Variants in MYO19 observed in about 807,000 individuals in gnomAD.
MYO19 encodes unconventional myosin-XIX.
MYO19 carries 132 observed loss-of-function variants against 129.2 expected under a neutral mutation model. The observed-to-expected ratio is 1.02, with a 90% CI of 0.89 to 1.18. MYO19 has a LOEUF of 1.18. Among genes scored for constraint, MYO19 ranks in the 50% most tolerant of loss-of-function variants. The probability of loss-of-function intolerance (pLI) is 0.00; values close to 1 mark genes in which losing one functional copy is unlikely to be tolerated. For missense variants in MYO19, 1,210 were observed against 1,216.7 expected (o/e 0.99, Z 0.08); for synonymous variants, 531 against 477.2 (o/e 1.11, Z -1.47).
At position 36,534,087 on chromosome 17, in the gene MYO19, C is replaced by T. The variant is rs2073981197; in HGVS notation, c.-278G>A. On this transcript the variant is annotated 5_prime_UTR_variant, in exon 2 of 26. Transcript: ENST00000614623. ...TTTCGCGGTTACCAGCCAAGAATTT[C>T]TGGAAAGGGTGTGAACACTGTGGGC... is the stretch of plus-strand genomic sequence containing the variant. 1 of 152,254 alleles carries T rather than the reference C, an allele frequency of 6.6e-6. No individual in the cohort carries two copies. Among genetic ancestry groups the T allele is most frequent in the Non-Finnish European group, 1.5e-5 (1 of 68,070 alleles). 9.4% of individuals were successfully genotyped at this position (152,254 alleles called of 1,614,324 possible). A position where few individuals can be genotyped will look rare whatever the true frequency, so the allele number is the denominator to read the frequency against.
chr17:36,511,123 C>G (rs2072293723), intron 12 of MYO19: 1 of 672,866 alleles, frequency 1.5e-6, no homozygotes, highest in Non-Finnish European at 2.5e-6. Flanking sequence ...GTCCATGCTG[C>G]CATGTATGGG....
Position 36,506,790 on chromosome 17 carries a change from G to A in MYO19, c.1644+173C>T, listed in dbSNP as rs975806479. 1.8e-5 allele frequency: 19 copies of A among 1,075,582 alleles called. No homozygotes were observed. In the African/African-American group the frequency reaches 2.2e-4, roughly 13 times the overall value. 66.6% of individuals were successfully genotyped at this position (1,075,582 alleles called of 1,614,324 possible). On this transcript the variant is annotated intron_variant, in intron 17 of 25. Transcript: ENST00000614623. ...GTCTAACATGGGTTATCTCCAGGCA[G>A]GTCATGCTTGATTAGTGGAGACCTC...
intron 25 of MYO19, among the ~76,000 whole-genome samples, chr17:36,497,420 CATG>C (rs1434545997): frequency 6.6e-6 from 1 of 151,688 alleles, no homozygotes; most frequent in Admixed American, 6.6e-5. Context: ...TTGGGGAAAA[CATG>C]GTGCCAAATC....
At position 36,514,456 on chromosome 17, in the gene MYO19, A is replaced by T; in HGVS notation, c.710T>A (p.Ile237Asn). 1 of 1,610,904 alleles carries T rather than the reference A, an allele frequency of 6.2e-7. No individual in the cohort carries two copies. Among genetic ancestry groups the T allele is most frequent in the Non-Finnish European group, 8.5e-7 (1 of 1,177,130 alleles). ...CCATTTGGCACAAACCTGATAGAAGATGTGGAAGTTCCTCTCACTGGAAGC... is the reference window on the plus strand; with the variant it reads ...CCATTTGGCACAAACCTGATAGAAGTTGTGGAAGTTCCTCTCACTGGAAGC... ...CQASSERNFH[I>N]FYQICKGASE... Residue 237 changes from isoleucine to asparagine, a missense_variant, in exon 9 of 26, where the codon ATC becomes AAC. Physicochemically the swap from Ile to Asn is moderately radical, Grantham distance 149 (BLOSUM62 -3). Transcript: ENST00000614623.
At chr17:36,528,510 CAAA>C (rs948278898) in intron 3 of MYO19, among the ~76,000 whole-genome samples, 3 of 106,552 alleles carry the variant, frequency 2.8e-5, no homozygotes, top group Admixed American at 1.0e-4. Flanking sequence ...GACTCTGTCT[CAAA>C]AAAAAAAAAA....
chr17:36,534,168 G>C (rs560786510), intron 1 of MYO19, 64 bp from the exon 2 acceptor site: 3 of 152,554 alleles, frequency 2.0e-5, no homozygotes, highest in African/African-American at 7.2e-5. Flanking sequence ...GTGGCAACCT[G>C]ATCACCAGTC....
At chr17:36,515,756 C>A in intron 7 of MYO19, 102 bp downstream of exon 7, 1 of 1,334,508 alleles carries the variant, frequency 7.5e-7, no homozygotes, top group Middle Eastern at 2.2e-4. Flanking sequence ...ATCCTCCACC[C>A]CCACCCAAGA....
chr17:36,544,042 C>T (rs779143237), upstream of MYO19, among the ~76,000 whole-genome samples: 7 of 152,244 alleles, frequency 4.6e-5, no homozygotes, highest in Middle Eastern at 3.2e-3. Context: ...ACCTCCAAAA[C>T]CTTCAAGGTC....
chr17:36,532,606 A>T lies in MYO19; in HGVS notation c.-68T>A, dbSNP rs2073894094. ...TACAAGGAGTACTATCCACCTAGTCATGGGACCATGGGCTGGGGTATGGTT... is the reference window on the plus strand; with the variant it reads ...TACAAGGAGTACTATCCACCTAGTCTTGGGACCATGGGCTGGGGTATGGTT... On this transcript the variant is annotated 5_prime_UTR_variant, in exon 3 of 26. It removes an upstream start codon present in the reference 5' UTR. Coordinates refer to ENST00000614623, the MANE Select transcript of MYO19 (RefSeq NM_001163735.2). 1 of 1,533,016 alleles carries T rather than the reference A, an allele frequency of 6.5e-7. No individual in the cohort carries two copies. The highest frequency in any genetic ancestry group is 2.0e-5 in the Admixed American group (1 of 50,988). The allele number at this position is 1,533,016 out of a possible 1,614,324, so 95.0% of individuals were successfully genotyped here.
chr17:36,514,542 C>T lies in MYO19; in HGVS notation c.624G>A (p.Gln208=). The change falls in exon 9 of 26, where the codon CAG becomes CAA. Residue 208 remains glutamine, a synonymous_variant. Coordinates refer to ENST00000614623, the MANE Select transcript of MYO19 (RefSeq NM_001163735.2). ...TCTGGACTGCGGCTCCAGTCATTTGCTGAGCCCTGGGACACACACAGGCCA... is the reference window on the plus strand; with the variant it reads ...TCTGGACTGCGGCTCCAGTCATTTGTTGAGCCCTGGGACACACACAGGCCA... ...KFIQLQLNRA[Q]QMTGAAVQTY... is the part of the protein sequence containing the mutation. The T allele has an allele frequency of 1.2e-6, 2 of 1,609,124 alleles. No homozygotes were observed. Among genetic ancestry groups the T allele is most frequent in the Non-Finnish European group, 1.7e-6 (2 of 1,175,488 alleles).
upstream of MYO19, among the ~76,000 whole-genome samples, chr17:36,539,767 C>G (rs560783543): frequency 1.4e-4 from 22 of 152,234 alleles, no homozygotes; most frequent in African/African-American, 5.1e-4. Context: ...AGCTTGCAAT[C>G]TAGTGGAGGA....
chr17:36,513,334 C>G lies in MYO19; in HGVS notation c.894+95G>C, dbSNP rs761146690. On this transcript the variant is annotated intron_variant, in intron 11 of 25. Transcript: ENST00000614623. ...AGAAGGGCCCAAAGTCCTAGATCCT[C>G]AGGGAAAGACCAACTCCAAGTCCAG... is the stretch of plus-strand genomic sequence containing the variant. 3 of 1,606,686 alleles carry G rather than the reference C, an allele frequency of 1.9e-6. No homozygotes were observed. In the African/African-American group the frequency reaches 4.0e-5, roughly 21 times the overall value.
intron 5 of MYO19, among the ~76,000 whole-genome samples, chr17:36,526,268 T>C (rs1406548189): frequency 6.6e-6 from 1 of 152,162 alleles, no homozygotes; most frequent in Non-Finnish European, 1.5e-5. Context: ...TCTACCTGGA[T>C]GAAGATGCTC....
intron 6 of MYO19, among the ~76,000 whole-genome samples, chr17:36,519,427 T>G (rs1246007484): frequency 6.6e-6 from 1 of 152,224 alleles, no homozygotes; most frequent in Non-Finnish European, 1.5e-5. Context: ...CCATTTAGTT[T>G]GAACTTATCC....
At chr17:36,498,716 T>G (rs1599195572) in intron 24 of MYO19, 157 bp from the exon 25 acceptor site, 7 of 773,448 alleles carry the variant, frequency 9.1e-6, no homozygotes, top group East Asian at 5.4e-5. Flanking sequence ...TGGTTCCATA[T>G]GCCACAAGTC....
intron 20 of MYO19, among the ~76,000 whole-genome samples, 183 bp downstream of exon 20, chr17:36,503,767 G>A (rs1451588121): frequency 1.3e-5 from 2 of 152,222 alleles, no homozygotes; most frequent in Non-Finnish European, 2.9e-5. Flanking sequence ...ACAAAATAGT[G>A]CACAATAAGT....
At chr17:36,528,003 T>A (rs568119101) in intron 4 of MYO19, 61 bp downstream of exon 4, 1 of 1,578,236 alleles carries the variant, frequency 6.3e-7, no homozygotes, top group East Asian at 2.3e-5. Flanking sequence ...CTGTGCTGAC[T>A]ACTCTCATTA....
At chr17:36,537,778 A>T, upstream of MYO19, 1 of 1,614,182 alleles carries the variant, frequency 6.2e-7, no homozygotes, top group Non-Finnish European at 8.5e-7. Context: ...ATAGGCTATC[A>T]GGAACATTTA....
intron 13 of MYO19, chr17:36,509,518 C>A (rs572928401): frequency 1.1e-4 from 27 of 245,882 alleles, no homozygotes; most frequent in African/African-American, 4.4e-4. Context: ...CATTGAACAC[C>A]CCTGCAAAAC....
Sources: gnomAD v4.1 joint callset for allele counts (sites outside exome capture counted in the v4.1 genomes callset) on GRCh38, gnomAD v4.1.1 for gene constraint, MANE v1.5 for transcripts, NCBI Gene and HGNC (gene_info 2026-07-23, HGNC 2026-07-21) for gene names.